The following MEI4 variants were observed in gnomAD, a reference collection of about 807,000 sequenced individuals.
The protein encoded by MEI4 is meiotic double-stranded break formation protein 4.
In MEI4, 27 loss-of-function variants were observed where a neutral mutation model predicts 31.4. That is an observed-to-expected ratio of 0.86 (90% confidence interval 0.63 to 1.19). The LOEUF (loss-of-function observed/expected upper bound fraction) is 1.19, where lower values mean the gene tolerates loss of function less well. Among genes scored for constraint, MEI4 ranks in the 50% most tolerant of loss-of-function variants. The pLI is 0.00. For synonymous variants in MEI4, 122 were observed against 145.4 expected, an observed-to-expected ratio of 0.84 and a Z score of 1.16; for missense variants, 329 against 398.9, an observed-to-expected ratio of 0.82 and a Z score of 1.49.
chr6:77,851,166 G>C (rs1362279231), intron 4 of MEI4, among the ~76,000 whole-genome samples: 1 of 152,070 alleles, frequency 6.6e-6, no homozygotes, highest in Admixed American at 6.5e-5. Flanking sequence ...TGGAGAAATA[G>C]GAACACTTTT....
chr6:77,859,361 A>G (rs1002023375), intron 4 of MEI4, among the ~76,000 whole-genome samples: 15 of 152,108 alleles, frequency 9.9e-5, no homozygotes, highest in Non-Finnish European at 2.2e-4. Context: ...AGAATGATTT[A>G]TATCCCTTTG....
At chr6:77,733,447 T>C (rs1218512395) in intron 2 of MEI4, among the ~76,000 whole-genome samples, 1 of 152,146 alleles carries the variant, frequency 6.6e-6, no homozygotes, top group Non-Finnish European at 1.5e-5. Context: ...GATGGTAGTT[T>C]GTATTTCTGT....
At chr6:77,907,582 G>A (rs1371899709) in intron 4 of MEI4, among the ~76,000 whole-genome samples, 2 of 152,134 alleles carry the variant, frequency 1.3e-5, no homozygotes, top group Non-Finnish European at 2.9e-5. Flanking sequence ...ATTGGGAATA[G>A]TGCTGCAATA....
chr6:77,687,552 A>G (rs190586946), intron 1 of MEI4, among the ~76,000 whole-genome samples: 14 of 152,232 alleles, frequency 9.2e-5, no homozygotes, highest in Admixed American at 7.9e-4. Context: ...GACTGCACTC[A>G]GTTTAAATGC....
intron 1 of MEI4, among the ~76,000 whole-genome samples, chr6:77,659,761 G>T (rs902743983): frequency 1.3e-5 from 2 of 152,144 alleles, no homozygotes; most frequent in Admixed American, 6.5e-5. Context: ...GAGCTGGAAG[G>T]CTCCAATTGT....
intron 2 of MEI4, among the ~76,000 whole-genome samples, chr6:77,739,865 T>C (rs527338786): frequency 6.6e-6 from 1 of 152,312 alleles, no homozygotes; most frequent in East Asian, 1.9e-4. Flanking sequence ...TGGCTCTTGG[T>C]TCTCTAATTC....
intron 1 of MEI4, among the ~76,000 whole-genome samples, chr6:77,686,191 A>G (rs1769050903): frequency 6.6e-6 from 1 of 152,196 alleles, no homozygotes; most frequent in African/African-American, 2.4e-5. Flanking sequence ...CTGAAGAACC[A>G]TGAGCCAAAT....
chr6:77,855,738 G>T (rs2127719574), intron 4 of MEI4, among the ~76,000 whole-genome samples: 1 of 152,286 alleles, frequency 6.6e-6, no homozygotes, highest in African/African-American at 2.4e-5. Context: ...AAAATTGAAA[G>T]AGTGGATTAC....
At chr6:77,804,776 G>A (rs1233041490) in intron 3 of MEI4, among the ~76,000 whole-genome samples, 1 of 152,154 alleles carries the variant, frequency 6.6e-6, no homozygotes, top group African/African-American at 2.4e-5. Flanking sequence ...CTTTCCAGGT[G>A]ATTCTGAAGT....
intron 4 of MEI4, among the ~76,000 whole-genome samples, chr6:77,916,265 T>C (rs536269045): frequency 1.4e-4 from 22 of 152,240 alleles, no homozygotes; most frequent in African/African-American, 5.1e-4. Context: ...AAATTTATTT[T>C]CCATAATAAA....
intron 2 of MEI4, among the ~76,000 whole-genome samples, chr6:77,738,080 G>T (rs1767300599): frequency 6.6e-6 from 1 of 152,186 alleles, no homozygotes; most frequent in South Asian, 2.1e-4. Flanking sequence ...AAACTGGAAT[G>T]AGGGGTTGTA....
intron 3 of MEI4, among the ~76,000 whole-genome samples, chr6:77,776,375 G>T (rs867987343): frequency 6.6e-6 from 1 of 151,864 alleles, no homozygotes; most frequent in Non-Finnish European, 1.5e-5. Context: ...AGGCCATGCC[G>T]CTACCCACAG....
At chr6:77,769,983 A>G (rs1768271113) in intron 3 of MEI4, among the ~76,000 whole-genome samples, 1 of 151,702 alleles carries the variant, frequency 6.6e-6, no homozygotes, top group South Asian at 2.1e-4. Context: ...CAGAAGAGTA[A>G]AGGGGTCTTT....
intron 4 of MEI4, among the ~76,000 whole-genome samples, chr6:77,901,179 T>C (rs148840331): frequency 6.6e-6 from 1 of 152,160 alleles, no homozygotes; most frequent in Non-Finnish European, 1.5e-5. Context: ...ATGAATGTAG[T>C]AGTACAGATA....
At chr6:77,867,707 C>T (rs537836665) in intron 4 of MEI4, among the ~76,000 whole-genome samples, 74 of 152,082 alleles carry the variant, frequency 4.9e-4, no homozygotes, top group African/African-American at 1.1e-3. Context: ...CCCAGCCATC[C>T]GATTACTGGG....
chr6:77,894,732 T>C (rs1766044463), intron 4 of MEI4, among the ~76,000 whole-genome samples: 2 of 152,180 alleles, frequency 1.3e-5, no homozygotes, highest in Non-Finnish European at 2.9e-5. Context: ...GGGTTTTGTA[T>C]CCACTGCTCC....
At chr6:77,844,851 G>T (rs184484586) in intron 4 of MEI4, among the ~76,000 whole-genome samples, 52 of 152,070 alleles carry the variant, frequency 3.4e-4, no homozygotes, top group Non-Finnish European at 6.5e-4. Flanking sequence ...ATGCAGTAGA[G>T]ATGGCTATAG....
upstream of MEI4, among the ~76,000 whole-genome samples, chr6:77,651,989 G>C (rs544005810): frequency 1.2e-4 from 19 of 152,180 alleles, no homozygotes; most frequent in Non-Finnish European, 2.6e-4. Flanking sequence ...ATTGGATATT[G>C]TGGTGAAGAT....
chr6:77,902,905 T>C (rs570762353), intron 4 of MEI4, among the ~76,000 whole-genome samples: 102 of 152,232 alleles, frequency 6.7e-4, no homozygotes, highest in African/African-American at 1.8e-3. Context: ...CTCGGGCACA[T>C]GTCATCAGGA....
Sources: gnomAD v4.1 joint callset for allele counts (sites outside exome capture counted in the v4.1 genomes callset) on GRCh38, gnomAD v4.1.1 for gene constraint, MANE v1.5 for transcripts, NCBI Gene and HGNC (gene_info 2026-07-23, HGNC 2026-07-21) for gene names.